The following OTOGL variants were observed in gnomAD, a reference collection of about 807,000 sequenced individuals.
The protein encoded by OTOGL is otogelin like, also known as otogelin-like protein.
OTOGL carries 285 observed loss-of-function variants against 318.5 expected under a neutral mutation model. The observed-to-expected ratio is 0.89, with a 90% CI of 0.81 to 0.99. The LOEUF is 0.99. OTOGL is among the 50% of genes least tolerant of loss of function. The pLI, the probability that OTOGL is intolerant of heterozygous loss-of-function variation, is 0.00. For missense variants in OTOGL, 2,899 were observed against 2,845.6 expected (o/e 1.02, Z -0.43); for synonymous variants, 987 against 936.5 (o/e 1.05, Z -0.99).
intron 44 of OTOGL, among the ~76,000 whole-genome samples, chr12:80,345,035 A>T (rs1012435601): frequency 2.4e-5 from 2 of 82,458 alleles, no homozygotes; most frequent in Non-Finnish European, 5.3e-5. Flanking sequence ...TATATATTAT[A>T]ACATATATTA....
At chr12:80,145,367 T>A (rs1489414666) in intron 1 of OTOGL, among the ~76,000 whole-genome samples, 1 of 152,164 alleles carries the variant, frequency 6.6e-6, no homozygotes, top group Non-Finnish European at 1.5e-5. Flanking sequence ...CAGATAGTTG[T>A]AGATATGCGG....
chr12:80,284,236 C>T (rs758828059), intron 26 of OTOGL, among the ~76,000 whole-genome samples: 10 of 152,070 alleles, frequency 6.6e-5, no homozygotes, highest in East Asian at 3.8e-4. Context: ...ACATAGTATC[C>T]GATGGTGTAT....
chr12:80,104,610 A>G (rs2137068686), intron 1 of OTOGL, among the ~76,000 whole-genome samples: 1 of 152,048 alleles, frequency 6.6e-6, no homozygotes, highest in African/African-American at 2.4e-5. Flanking sequence ...GGGTGAGAGC[A>G]TGTCAGGGGG....
intron 30 of OTOGL, among the ~76,000 whole-genome samples, chr12:80,311,703 G>A (rs571786402): frequency 9.2e-5 from 14 of 152,220 alleles, no homozygotes; most frequent in African/African-American, 3.1e-4. Flanking sequence ...CACTGCGCCC[G>A]GCAGATATTT....
chr12:80,266,409 T>C, intron 20 of OTOGL, 42 bp from the exon 21 acceptor site: 1 of 1,601,280 alleles, frequency 6.2e-7, no homozygotes, highest in Non-Finnish European at 8.5e-7. Context: ...TGTTTCTATG[T>C]GCCATGGCAA....
intron 1 of OTOGL, among the ~76,000 whole-genome samples, chr12:80,129,143 C>T (rs947813474): frequency 2.0e-5 from 3 of 152,204 alleles, no homozygotes; most frequent in African/African-American, 7.2e-5. Context: ...ATGCTGGGAG[C>T]TGTAGACCGG....
intron 1 of OTOGL, among the ~76,000 whole-genome samples, chr12:80,194,843 G>T (rs896019612): frequency 6.6e-6 from 1 of 151,606 alleles, no homozygotes; most frequent in Non-Finnish European, 1.5e-5. Flanking sequence ...TACCAAACTG[G>T]AAACATTGTA....
At chr12:80,103,562 A>G (rs1204589919) in intron 1 of OTOGL, among the ~76,000 whole-genome samples, 1 of 152,190 alleles carries the variant, frequency 6.6e-6, no homozygotes, top group Non-Finnish European at 1.5e-5. Context: ...CTTCTCTTTC[A>G]TAGCACTCAT....
intron 8 of OTOGL, among the ~76,000 whole-genome samples, chr12:80,231,859 G>A (rs573783371): frequency 3.4e-5 from 5 of 148,912 alleles, no homozygotes; most frequent in East Asian, 2.0e-4. Flanking sequence ...GTCTGGTCTC[G>A]AACTCCTGAC....
intron 1 of OTOGL, among the ~76,000 whole-genome samples, chr12:80,119,395 G>A (rs972021984): frequency 1.3e-5 from 2 of 152,140 alleles, no homozygotes; most frequent in African/African-American, 4.8e-5. Context: ...ATTCAGCCTG[G>A]CTTCAGTTCA....
chr12:80,188,537 C>CAAAAA lies in OTOGL; in HGVS notation c.-19-20870_-19-20866dup, dbSNP rs1188831194. Among the ~76,000 whole-genome samples, 655 of 144,734 alleles carry CAAAAA rather than the reference C, an allele frequency of 4.5e-3. 7 individuals are homozygous for CAAAAA. The highest frequency in any genetic ancestry group is 0.016 in the African/African-American group (629 of 39,140). 95.0% of individuals were successfully genotyped at this position (144,734 alleles called of 152,430 possible). ...TGGGCGACAGAGTGAGACTCTGTCTCAAAAAAAAAATAATAATAATAATAA... is the reference window on the plus strand; with the variant it reads ...TGGGCGACAGAGTGAGACTCTGTCTCAAAAAAAAAAAAAAATAATAATAATAATAA... On this transcript the variant is annotated intron_variant, in intron 1 of 58. Coordinates refer to ENST00000547103, the MANE Select transcript of OTOGL (RefSeq NM_001378609.3).
chr12:80,180,153 G>A (rs12315862), intron 1 of OTOGL, among the ~76,000 whole-genome samples: 12 of 99,308 alleles, frequency 1.2e-4, no homozygotes, highest in African/African-American at 3.8e-4. Flanking sequence ...GATATGGAGG[G>A]TCATAGGCTC....
chr12:80,206,380 C>T (rs1227569754), intron 1 of OTOGL, among the ~76,000 whole-genome samples: 1 of 152,172 alleles, frequency 6.6e-6, no homozygotes, highest in Non-Finnish European at 1.5e-5. Context: ...TGCCATTGTT[C>T]ATTCTCCTTT....
At chr12:80,279,770 C>T (rs573788356) in intron 26 of OTOGL, among the ~76,000 whole-genome samples, 49 of 151,606 alleles carry the variant, frequency 3.2e-4, no homozygotes, top group Non-Finnish European at 5.3e-4. Context: ...TGTGTCTTTA[C>T]GGTAGAATGA....
At chr12:80,299,612 A>C (rs1210204261) in intron 27 of OTOGL, among the ~76,000 whole-genome samples, 1 of 147,256 alleles carries the variant, frequency 6.8e-6, no homozygotes, top group Non-Finnish European at 1.5e-5. Context: ...CAGGGGAAGA[A>C]AAAAAAAAAA....
intron 1 of OTOGL, among the ~76,000 whole-genome samples, chr12:80,156,530 A>G (rs1436784954): frequency 3.9e-5 from 6 of 152,186 alleles, no homozygotes; most frequent in South Asian, 2.1e-4. Context: ...TCTCATCTTG[A>G]ATTCCCATGT....
intron 1 of OTOGL, among the ~76,000 whole-genome samples, chr12:80,149,901 C>G (rs1450700166): frequency 6.6e-6 from 1 of 152,046 alleles, no homozygotes; most frequent in African/African-American, 2.4e-5. Context: ...AATGCCTCAC[C>G]CTGCTTCGGC....
At chr12:80,226,181 C>CACAT (rs759472883) in intron 7 of OTOGL, among the ~76,000 whole-genome samples, 3 of 102,962 alleles carry the variant, frequency 2.9e-5, no homozygotes, top group Non-Finnish European at 6.0e-5. Flanking sequence ...GCTCCTAACA[C>CACAT]ACACACACAC....
chr12:80,169,183 A>C (rs1380462329), intron 1 of OTOGL, among the ~76,000 whole-genome samples: 1 of 152,128 alleles, frequency 6.6e-6, no homozygotes, highest in Non-Finnish European at 1.5e-5. Flanking sequence ...GAAACCTGTG[A>C]ATAACCTTTC....
Sources: gnomAD v4.1 joint callset for allele counts (sites outside exome capture counted in the v4.1 genomes callset) on GRCh38, gnomAD v4.1.1 for gene constraint, MANE v1.5 for transcripts, NCBI Gene and HGNC (gene_info 2026-07-23, HGNC 2026-07-21) for gene names.